The following PLXNA1 variants were observed in gnomAD, a reference collection of about 807,000 sequenced individuals.
The protein encoded by PLXNA1 is plexin-A1.
A neutral mutation model predicts 191.7 loss-of-function variants in PLXNA1; 77 were observed. The observed-to-expected ratio is 0.40, with a 90% CI of 0.33 to 0.49. The LOEUF (loss-of-function observed/expected upper bound fraction) is 0.49, where lower values mean the gene tolerates loss of function less well. Among genes scored for constraint, PLXNA1 ranks in the 20% least tolerant of loss-of-function variants. The pLI is 0.63. For missense variants in PLXNA1, 2,110 were observed against 2,660.2 expected, an observed-to-expected ratio of 0.79 and a Z score of 4.55; for synonymous variants, 1,137 against 1,156.4, an observed-to-expected ratio of 0.98 and a Z score of 0.34.
At chr3:127,018,888 C>T (rs1457464556) in intron 20 of PLXNA1, among the ~76,000 whole-genome samples, 3 of 152,198 alleles carry the variant, frequency 2.0e-5, no homozygotes, top group African/African-American at 7.2e-5. Flanking sequence ...TCCCTGGGTG[C>T]TGGGAGTCGT....
intron 9 of PLXNA1, among the ~76,000 whole-genome samples, chr3:127,008,459 T>C (rs2079079304): frequency 6.6e-6 from 1 of 152,166 alleles, no homozygotes; most frequent in Admixed American, 6.5e-5. Context: ...GGCAAGGCAC[T>C]AGCTTTATGA....
At chr3:127,031,155 C>T (rs1234755984) in intron 29 of PLXNA1, among the ~76,000 whole-genome samples, 1 of 152,174 alleles carries the variant, frequency 6.6e-6, no homozygotes, top group Non-Finnish European at 1.5e-5. Flanking sequence ...TCCTCTCTGC[C>T]ACACAGGCAG....
intron 3 of PLXNA1, among the ~76,000 whole-genome samples, chr3:127,002,293 G>T (rs2079044655): frequency 6.6e-6 from 1 of 152,250 alleles, no homozygotes; most frequent in Non-Finnish European, 1.5e-5. Context: ...CTGAGCGGAT[G>T]TGGGGGGTGG....
At chr3:127,000,137 C>T (rs887977623) in intron 3 of PLXNA1, among the ~76,000 whole-genome samples, 2 of 151,684 alleles carry the variant, frequency 1.3e-5, no homozygotes, top group African/African-American at 4.8e-5. Flanking sequence ...AGCGCCAGCT[C>T]CTGGTTTGTG....
chr3:127,014,654 G>C (rs779064593), intron 13 of PLXNA1, 25 bp downstream of exon 13: 27 of 1,611,830 alleles, frequency 1.7e-5, no homozygotes, highest in Non-Finnish European at 2.3e-5. Flanking sequence ...GGGTGTGTGC[G>C]GGGCGGGACG....
chr3:127,032,874 G>A (rs777198866), intron 31 of PLXNA1, 38 bp downstream of exon 31: 13 of 1,599,754 alleles, frequency 8.1e-6, no homozygotes, highest in African/African-American at 1.3e-5. Flanking sequence ...GGCTAGGAGG[G>A]CTTGCCGGCC....
chr3:127,018,336 G>T lies in PLXNA1; in HGVS notation c.3703G>T (p.Val1235Leu). The T allele has an allele frequency of 6.2e-7, 1 of 1,612,500 alleles. No individual in the cohort carries two copies. The highest frequency in any genetic ancestry group is 1.1e-5 in the South Asian group (1 of 90,986). Residue 1235 changes from valine to leucine, a missense_variant, in exon 20 of 32, where the codon GTG becomes TTG. Physicochemically the swap from Val to Leu is conservative, Grantham distance 32 (BLOSUM62 1). Coordinates refer to ENST00000393409, the MANE Select transcript of PLXNA1 (RefSeq NM_032242.4). ...CGAGTTCTCGCCAGGGACACTGCAG[G>T]TGTACTCGGACAGCCTGCTGACGCT... Reference protein sequence around the residue: ...GFEFSPGTLQVYSDSLLTLPA... With the variant: ...GFEFSPGTLQLYSDSLLTLPA...
At chr3:127,005,362 C>T (rs1352058146) in intron 7 of PLXNA1, 119 bp downstream of exon 7, 4 of 1,273,200 alleles carry the variant, frequency 3.1e-6, no homozygotes. Flanking sequence ...GACACTCTGA[C>T]AGCTGATATG....
At chr3:126,999,868 T>C (rs2079031398) in intron 3 of PLXNA1, among the ~76,000 whole-genome samples, 2 of 152,044 alleles carry the variant, frequency 1.3e-5, no homozygotes, top group South Asian at 4.2e-4. Context: ...TGGCGTGGCC[T>C]GGGCACTGAG....
chr3:127,028,124 C>G, intron 24 of PLXNA1, 38 bp downstream of exon 24: 1 of 1,613,278 alleles, frequency 6.2e-7, no homozygotes, highest in Non-Finnish European at 8.5e-7. Flanking sequence ...TGCCCTGGTG[C>G]CCCCCACCCC....
At position 127,033,933 on chromosome 3, in the gene PLXNA1, C is replaced by T; in HGVS notation, c.5607C>T (p.Ala1869=). The change falls in exon 32 of 32, where the codon GCC becomes GCT. Residue 1869 remains alanine (A), a synonymous_variant. Transcript: ENST00000393409. ...ITKYKDEILA[A]LEKDEQARRQ... ...TCCTGGCCCTGCAGATCCTGGCAGC[C>T]CTGGAGAAGGATGAGCAGGCGCGGC... 6.2e-7 allele frequency: 1 copy of T among 1,601,994 alleles called. No individual in the cohort carries two copies. Among genetic ancestry groups the T allele is most frequent in the Non-Finnish European group, 8.5e-7 (1 of 1,175,762 alleles).
At position 127,015,204 on chromosome 3, in the gene PLXNA1, G is replaced by A; in HGVS notation, c.2898G>A (p.Val966=). 6.2e-7 allele frequency: 1 copy of A among 1,613,170 alleles called. No homozygotes were observed. Among genetic ancestry groups the A allele is most frequent in the Non-Finnish European group, 8.5e-7 (1 of 1,179,680 alleles). ...FTFVTPTFYR[V]SPSRGPLSGG... is the part of the protein sequence containing the mutation. ...TGCAGACACCAACCTTCTACCGTGT[G>A]AGCCCCTCCCGTGGGCCTCTGTCAG... is the stretch of plus-strand genomic sequence containing the variant. Residue 966 remains valine, a synonymous_variant, in exon 15 of 32, where the codon GTG becomes GTA. Transcript: ENST00000393409.
At chr3:126,991,761 A>C (rs549965845) in intron 3 of PLXNA1, among the ~76,000 whole-genome samples, 195 bp downstream of exon 3, 1 of 152,058 alleles carries the variant, frequency 6.6e-6, no homozygotes, top group Non-Finnish European at 1.5e-5. Context: ...GCCTCTGCCC[A>C]TGACTGGCCC....
At chr3:127,009,592 T>C (rs1189591849) in intron 9 of PLXNA1, among the ~76,000 whole-genome samples, 2 of 149,498 alleles carry the variant, frequency 1.3e-5, no homozygotes, top group South Asian at 2.2e-4. Flanking sequence ...CGTCTCTGTT[T>C]CTGGTGGGTT....
At position 126,985,069 on chromosome 3, in the gene PLXNA1, A is replaced by G. The variant is rs550928839; in HGVS notation, c.-74+1782A>G. On this transcript the variant is annotated intron_variant, in intron 1 of 31. Coordinates refer to ENST00000393409, the MANE Select transcript of PLXNA1 (RefSeq NM_032242.4). ...CCACTGGGCAGGATGGCAGCCCCAC[A>G]CCCCAACCTGCCTGAGCCATAGCAG... is the stretch of plus-strand genomic sequence containing the variant. Among the ~76,000 whole-genome samples, 667 of 151,834 alleles carry G rather than the reference A, an allele frequency of 4.4e-3. 6 individuals are homozygous for G. The highest frequency in any genetic ancestry group is 0.015 in the African/African-American group (627 of 41,398).
Position 127,013,589 on chromosome 3 carries a change from G to T in PLXNA1, c.2314-431G>T, listed in dbSNP as rs571570499. ...AGTGATTTTGCCTGTCTCTGCCCCA[G>T]TCCGGGGACACGGATCTCCCACCTC... is the stretch of plus-strand genomic sequence containing the variant. On this transcript the variant is annotated intron_variant, in intron 10 of 31. Coordinates refer to ENST00000393409, the MANE Select transcript of PLXNA1 (RefSeq NM_032242.4). Among the ~76,000 whole-genome samples, 36 of 152,370 alleles carry T rather than the reference G, an allele frequency of 2.4e-4. No individual in the cohort carries two copies. The South Asian group carries it at 2.5e-3, about 11-fold the overall frequency.
Position 127,014,051 on chromosome 3 carries a change from T to C in PLXNA1, c.2345T>C (p.Leu782Pro). ...TACGAGGGGAACGATGTCAGCGACCTGCCAGTGAACCTGTCAGTCGTGTGG... is the reference window on the plus strand; with the variant it reads ...TACGAGGGGAACGATGTCAGCGACCCGCCAGTGAACCTGTCAGTCGTGTGG... ...YSYEGNDVSD[L>P]PVNLSVVWNG... Residue 782 changes from leucine to proline, a missense_variant, in exon 11 of 32, where the codon CTG becomes CCG. Around this residue, in one of 4 missense-constraint regions of PLXNA1, gnomAD observed 644 missense variants for 714.3 expected, o/e 0.90. Coordinates refer to ENST00000393409, the MANE Select transcript of PLXNA1 (RefSeq NM_032242.4). 6.2e-7 allele frequency: 1 copy of C among 1,613,970 alleles called. No homozygotes were observed. Among genetic ancestry groups the C allele is most frequent in the Non-Finnish European group, 8.5e-7 (1 of 1,179,968 alleles).
In PLXNA1 at chr3:127,004,917, A is replaced by G. The variant is rs1292779169; in HGVS notation, c.1652A>G (p.Asp551Gly). The G allele has an allele frequency of 6.2e-7, 1 of 1,606,760 alleles. No individual in the cohort carries two copies. The highest frequency in any genetic ancestry group is 8.5e-7 in the Non-Finnish European group (1 of 1,175,610). The change falls in exon 6 of 32, where the codon GAC becomes GGC. Residue 551 changes from aspartate (D) to glycine (G), a missense_variant. This residue lies in a region of PLXNA1 where 903 missense variants were observed against 1,015.7 expected (regional missense o/e 0.89). Coordinates refer to ENST00000393409, the MANE Select transcript of PLXNA1 (RefSeq NM_032242.4). ...CGGCGGGACGCCTGTGAGCGAGCAG[A>G]CGAGCCCCAGCGCTTTGCTGCGGAC... is the stretch of plus-strand genomic sequence containing the variant. ...CSRRDACERA[D>G]EPQRFAADLL...
chr3:127,004,990 C>T lies in PLXNA1; in HGVS notation c.1725C>T (p.Val575=). 2.5e-6 allele frequency: 4 copies of T among 1,609,384 alleles called. No homozygotes were observed. Among genetic ancestry groups the T allele is most frequent in the African/African-American group, 1.3e-5 (1 of 74,988 alleles). The part of the protein sequence containing the change: ...QLTVQPRNVS[V]TMSQVPLVLQ... ...CTGTGCAGCCCCGCAATGTGTCTGTCACCATGTCCCAGGTCCCAGTAAGTG... is the reference window on the plus strand; with the variant it reads ...CTGTGCAGCCCCGCAATGTGTCTGTTACCATGTCCCAGGTCCCAGTAAGTG... Residue 575 remains valine, a synonymous_variant, in exon 6 of 32, where the codon GTC becomes GTT. Coordinates refer to ENST00000393409, the MANE Select transcript of PLXNA1 (RefSeq NM_032242.4).
Sources: allele counts gnomAD v4.1 joint callset (sites outside exome capture counted in the v4.1 genomes callset), GRCh38; gene constraint gnomAD v4.1.1; regional missense constraint gnomAD v4.1.1; transcripts MANE v1.5; gene names NCBI Gene and HGNC (gene_info 2026-07-23, HGNC 2026-07-21).